BRD2: variants seen among roughly 807,000 people sequenced by gnomAD.
BRD2 encodes bromodomain-containing protein 2.
In BRD2, 15 loss-of-function variants were observed where a neutral mutation model predicts 79.1. The observed-to-expected ratio is 0.19, with a 90% CI of 0.13 to 0.29. The LOEUF (loss-of-function observed/expected upper bound fraction) is 0.29. Among genes scored for constraint, BRD2 ranks in the 10% least tolerant of loss-of-function variants. The pLI is 1.00. For missense variants in BRD2, 1,053 were observed against 991.3 expected, an observed-to-expected ratio of 1.06 and a Z score of -0.84; for synonymous variants, 488 against 358.6, an observed-to-expected ratio of 1.36 and a Z score of -4.08.
At chr6:32,975,324 G>A (rs1778593054) in intron 3 of BRD2, 60 bp from the exon 4 acceptor site, 10 of 1,341,820 alleles carry the variant, frequency 7.5e-6, no homozygotes, top group Admixed American at 2.1e-5. Context: ...GTCGGGGATC[G>A]GTAGTCTCCC....
intron 10 of BRD2, 174 bp from the exon 11 acceptor site, chr6:32,979,654 A>T (rs7762195): frequency 1.5e-6 from 1 of 677,338 alleles, no homozygotes; most frequent in Non-Finnish European, 2.4e-6. Flanking sequence ...CAGTCGAGCA[A>T]AATGCTCTGT....
chr6:32,975,061 T>A, intron 3 of BRD2: 5 of 1,519,356 alleles, frequency 3.3e-6, no homozygotes, highest in Non-Finnish European at 4.4e-6. Context: ...GTGGCCAAAA[T>A]TCTTAGCTTC....
Position 32,972,922 on chromosome 6 carries a change from C to CAAT in BRD2, c.27_29dup (p.Asn9dup), listed in dbSNP as rs1561928910. On this transcript the variant is annotated inframe_insertion, in exon 2 of 13. Coordinates refer to ENST00000374825, the MANE Select transcript of BRD2 (RefSeq NM_005104.4). ...AGATGCTGCAAAACGTGACTCCCCA[C>CAAT]AATAAGTACGTTTCCGCGAGCCGCG... 3 of 1,613,952 alleles carry CAAT rather than the reference C, an allele frequency of 1.9e-6. No homozygotes were observed. Among genetic ancestry groups the CAAT allele is most frequent in the Non-Finnish European group, 2.5e-6 (3 of 1,179,978 alleles).
rs747061263 is a variant in BRD2 at position 32,977,920 on chromosome 6, A to T, written c.1493A>T (p.Asp498Val). ...ESSSEEEEEE[D>V]EEDEEEEESE... ...TCCTCTGAGGAAGAGGAGGAGGAAGATGAGGAGGACGAGGAGGAAGAAGAG... is the reference window on the plus strand; with the variant it reads ...TCCTCTGAGGAAGAGGAGGAGGAAGTTGAGGAGGACGAGGAGGAAGAAGAG... The change falls in exon 9 of 13, where the codon GAT (aspartate) becomes GTT (valine). Residue 498 changes from aspartate (D) to valine (V), a missense_variant. This residue lies in a region of BRD2 where 454 missense variants were observed against 430.5 expected (regional missense o/e 1.05). Coordinates refer to ENST00000374825, the MANE Select transcript of BRD2 (RefSeq NM_005104.4). 1.2e-6 allele frequency: 2 copies of T among 1,612,522 alleles called. No individual in the cohort carries two copies. The highest frequency in any genetic ancestry group is 1.7e-6 in the Non-Finnish European group (2 of 1,179,754).
In BRD2 at chr6:32,977,918, A is replaced by C. The variant is rs1778982155; in HGVS notation, c.1491A>C (p.Glu497Asp). 6.2e-7 allele frequency: 1 copy of C among 1,612,560 alleles called. No individual in the cohort carries two copies. Among genetic ancestry groups the C allele is most frequent in the African/African-American group, 1.3e-5 (1 of 74,982 alleles). The change falls in exon 9 of 13, where the codon GAA becomes GAC. Residue 497 changes from glutamate (E) to aspartate (D), a missense_variant. Glu to Asp is a conservative substitution (Grantham distance 45). Coordinates refer to ENST00000374825, the MANE Select transcript of BRD2 (RefSeq NM_005104.4). ...SESSSEEEEE[E>D]DEEDEEEEES... is the part of the protein sequence containing the mutation. Reference sequence around the variant, plus strand: ...GCTCCTCTGAGGAAGAGGAGGAGGAAGATGAGGAGGACGAGGAGGAAGAAG... The same window carrying C: ...GCTCCTCTGAGGAAGAGGAGGAGGACGATGAGGAGGACGAGGAGGAAGAAG...
At chr6:32,969,209 G>A in intron 1 of BRD2, 153 bp downstream of exon 1, 1 of 568,070 alleles carries the variant, frequency 1.8e-6, no homozygotes. Flanking sequence ...AGCGTGGAGG[G>A]GGGGCGAGCG....
rs1338955270 is a variant in BRD2 at position 32,978,205 on chromosome 6, A to G, written c.1658A>G (p.Glu553Gly). The G allele has an allele frequency of 6.2e-7, 1 of 1,613,086 alleles. No homozygotes were observed. Reference sequence around the variant, plus strand: ...CCCAAGAGGAAAAGAGAGAAAAAAGAGAAAAAGAAGAAACGGAAGGCAGAG... The same window carrying G: ...CCCAAGAGGAAAAGAGAGAAAAAAGGGAAAAAGAAGAAACGGAAGGCAGAG... The part of the protein sequence containing the change: ...SKPKRKREKK[E>G]KKKKRKAEKH... Residue 553 changes from glutamate (E) to glycine (G), a missense_variant, in exon 10 of 13, where the codon GAG becomes GGG. Physicochemically the swap from Glu to Gly is moderately conservative, Grantham distance 98. This residue lies in a region of BRD2 where 454 missense variants were observed against 430.5 expected (regional missense o/e 1.05). Coordinates refer to ENST00000374825, the MANE Select transcript of BRD2 (RefSeq NM_005104.4).
chr6:32,977,166 T>C (rs1778873650), intron 7 of BRD2: 2 of 1,348,486 alleles, frequency 1.5e-6, no homozygotes, highest in Admixed American at 4.1e-5. Context: ...TATAATTAAG[T>C]ACTAATGTGG....
intron 4 of BRD2, 103 bp from the exon 5 acceptor site, chr6:32,975,928 T>C: frequency 7.8e-7 from 1 of 1,278,528 alleles, no homozygotes; most frequent in South Asian, 1.6e-5. Context: ...CTGGTGGGGG[T>C]ATGGTAATGG....
At chr6:32,970,891 G>C (rs901999782) in intron 1 of BRD2, 9 of 152,346 alleles carry the variant, frequency 5.9e-5, no homozygotes, top group African/African-American at 2.2e-4. Context: ...GAGGGGAGGA[G>C]GGGGAGGGCT....
Position 32,980,140 on chromosome 6 carries a change from T to C in BRD2, c.2146+8T>C, listed in dbSNP as rs1451205973. The stretch of plus-strand genomic sequence containing the variant: ...AACCCCGGAAGCCCTACAGTACGTA[T>C]GAAATGAGGTTCATCTCATGGTTCT... On this transcript the variant is annotated splice_region_variant and intron_variant, in intron 11 of 12. Coordinates refer to ENST00000374825, the MANE Select transcript of BRD2 (RefSeq NM_005104.4). The C allele has an allele frequency of 3.7e-6, 6 of 1,607,944 alleles. No homozygotes were observed. The highest frequency in any genetic ancestry group is 5.1e-6 in the Non-Finnish European group (6 of 1,177,680).
In BRD2 at chr6:32,975,625, G is replaced by GT. The variant is rs1778639153; in HGVS notation, c.471+105dup. The stretch of plus-strand genomic sequence containing the variant: ...AAGTTTAAATCCTTTGCTACTGAAG[G>GT]TGTTATCCAGGTAGGGTAGTCGGAG... On this transcript the variant is annotated intron_variant, in intron 4 of 12. Coordinates refer to ENST00000374825, the MANE Select transcript of BRD2 (RefSeq NM_005104.4). 2.8e-6 allele frequency: 4 copies of GT among 1,432,732 alleles called. No homozygotes were observed. In the African/African-American group the frequency reaches 5.7e-5, roughly 20 times the overall value. The allele number at this position is 1,432,732 out of a possible 1,614,324, so 88.8% of individuals were successfully genotyped here. A position where few individuals can be genotyped will look rare whatever the true frequency, so the allele number is the denominator to read the frequency against.
rs1778174620 is a variant in BRD2 at position 32,972,685 on chromosome 6, G to A, written c.-214G>A. 1 of 652,832 alleles carries A rather than the reference G, an allele frequency of 1.5e-6. No individual in the cohort carries two copies. The highest frequency in any genetic ancestry group is 2.6e-6 in the Non-Finnish European group (1 of 383,196). The allele number at this position is 652,832 out of a possible 1,614,324, so 40.4% of individuals were successfully genotyped here. On this transcript the variant is annotated 5_prime_UTR_variant, in exon 2 of 13. Transcript: ENST00000374825. The stretch of plus-strand genomic sequence containing the variant: ...GGCCGCCGCCATTTTCTTGCTGTCC[G>A]CCGTCTGCAGAGCGCGCCAAGCTGC...
chr6:32,973,239 G>A, intron 2 of BRD2: 1 of 1,298,310 alleles, frequency 7.7e-7, no homozygotes, highest in Non-Finnish European at 1.1e-6. Context: ...TTTGGCGTTT[G>A]GTGGGTCTGG....
intron 10 of BRD2, 132 bp downstream of exon 10, chr6:32,978,520 C>G (rs1779081725): frequency 4.2e-6 from 6 of 1,444,372 alleles, no homozygotes; most frequent in Non-Finnish European, 2.8e-6. Context: ...GGTCCCCAAC[C>G]TTTTTGGCAC....
chr6:32,974,411 C>G (rs773530824), intron 2 of BRD2, 51 bp from the exon 3 acceptor site: 21 of 1,560,528 alleles, frequency 1.3e-5, no homozygotes, highest in Non-Finnish European at 1.8e-5. Flanking sequence ...TGCAGATGCA[C>G]TTTTTCCTCA....
Position 32,972,314 on chromosome 6 carries a change from A to G in BRD2, c.-585A>G. ...TACAATCCACCTCCATCCGCTTGGA[A>G]ATGGCCTTCGTCCCGGCCTATGACT... On this transcript the variant is annotated 5_prime_UTR_variant, in exon 2 of 13. Transcript: ENST00000374825. 1 of 387,842 alleles carries G rather than the reference A, an allele frequency of 2.6e-6. No individual in the cohort carries two copies. 24.0% of individuals were successfully genotyped at this position (387,842 alleles called of 1,614,324 possible). A position where few individuals can be genotyped will look rare whatever the true frequency, so the allele number is the denominator to read the frequency against.
chr6:32,976,051 A>G lies in BRD2; in HGVS notation c.492A>G (p.Leu164=), dbSNP rs749349519. The G allele has an allele frequency of 1.2e-6, 2 of 1,610,482 alleles. No individual in the cohort carries two copies. Among genetic ancestry groups the G allele is most frequent in the African/African-American group, 1.3e-5 (1 of 74,672 alleles). ...CATAGCCCACTGATGATATTGTCCT[A>G]ATGGCACAAACGCTGGAAAAGATAT... ...IYNKPTDDIV[L]MAQTLEKIFL... Residue 164 remains leucine, a synonymous_variant, in exon 5 of 13, where the codon CTA becomes CTG. Transcript: ENST00000374825.
Position 32,972,481 on chromosome 6 carries a change from A to C in BRD2, c.-418A>C, listed in dbSNP as rs927578765. The C allele has an allele frequency of 2.4e-5, 7 of 296,838 alleles. No homozygotes were observed. The highest frequency in any genetic ancestry group is 1.6e-4 in the African/African-American group (7 of 44,178). The allele number at this position is 296,838 out of a possible 1,614,324, so 18.4% of individuals were successfully genotyped here. The stretch of plus-strand genomic sequence containing the variant: ...GATGGAGGCGGCGGCTCCCTAAACC[A>C]CTTTTCGTGTTCATCCGCCTCCATC... On this transcript the variant is annotated 5_prime_UTR_variant, in exon 2 of 13. Coordinates refer to ENST00000374825, the MANE Select transcript of BRD2 (RefSeq NM_005104.4).
Sources: allele counts gnomAD v4.1 joint callset, GRCh38; gene constraint gnomAD v4.1.1; regional missense constraint gnomAD v4.1.1; transcripts MANE v1.5; gene names NCBI Gene and HGNC (gene_info 2026-07-23, HGNC 2026-07-21).